TRIM24: variants seen among roughly 807,000 people sequenced by gnomAD.
The protein encoded by TRIM24 is transcription intermediary factor 1-alpha.
TRIM24 carries 29 observed loss-of-function variants against 123.9 expected under a neutral mutation model. That is an observed-to-expected ratio of 0.23 (90% CI 0.17 to 0.32). The LOEUF (loss-of-function observed/expected upper bound fraction) is 0.32, where lower values mean the gene tolerates loss of function less well. TRIM24 is among the 10% of genes least tolerant of loss of function. The pLI is 1.00. For synonymous variants in TRIM24, 456 were observed against 461.1 expected (o/e 0.99, Z 0.14); for missense variants, 932 against 1,295.3 (o/e 0.72, Z 4.31).
intron 1 of TRIM24, among the ~76,000 whole-genome samples, chr7:138,472,337 A>T (rs980214445): frequency 6.6e-6 from 1 of 152,116 alleles, no homozygotes. Flanking sequence ...GCAGAAAGGC[A>T]TTGATCTGAG....
rs184378940 is a variant in TRIM24, at chr7:138,463,100, G to T, written c.364+2188G>T. Among the ~76,000 whole-genome samples the T allele has an allele frequency of 4.4e-3, 607 of 137,266 alleles. 6 individuals carry two copies. Among genetic ancestry groups the T allele is most frequent in the African/African-American group, 0.016 (593 of 36,630 alleles). The allele number at this position is 137,266 out of a possible 152,430, so 90.1% of individuals were successfully genotyped here. ...AGGCGGGGTTACTCCATGTTGGTCA[G>T]GCTGGTCTTGAACTCCCGACCTCAG... On this transcript the variant is annotated intron_variant, in intron 1 of 18. Transcript: ENST00000343526.
intron 6 of TRIM24, among the ~76,000 whole-genome samples, chr7:138,532,364 C>A (rs1280106949): frequency 6.6e-6 from 1 of 152,094 alleles, no homozygotes; most frequent in Non-Finnish European, 1.5e-5. Context: ...ACATTTAAGT[C>A]TTTAATCCAT....
intron 4 of TRIM24, among the ~76,000 whole-genome samples, chr7:138,521,694 T>C (rs1031306047): frequency 6.6e-5 from 10 of 152,214 alleles, no homozygotes; most frequent in Non-Finnish European, 1.3e-4. Context: ...AAAAATGTGC[T>C]ATTTTCTTTT....
chr7:138,575,038 A>T (rs1797727443), intron 12 of TRIM24, among the ~76,000 whole-genome samples: 1 of 152,158 alleles, frequency 6.6e-6, no homozygotes, highest in African/African-American at 2.4e-5. Context: ...TTGTAAACAG[A>T]TTATTTACCT....
intron 1 of TRIM24, among the ~76,000 whole-genome samples, chr7:138,482,758 G>T (rs551879337): frequency 2.4e-4 from 37 of 151,738 alleles, no homozygotes; most frequent in South Asian, 8.4e-4. Context: ...AATGTGTGGG[G>T]TTTTTTTTCC....
intron 2 of TRIM24, among the ~76,000 whole-genome samples, chr7:138,513,970 CAGA>C (rs1796341753): frequency 6.6e-6 from 1 of 152,072 alleles, no homozygotes; most frequent in African/African-American, 2.4e-5. Context: ...ACTACAGAAT[CAGA>C]GGAGGAAGGG....
chr7:138,507,964 A>G (rs1796186876), intron 2 of TRIM24, among the ~76,000 whole-genome samples: 2 of 152,110 alleles, frequency 1.3e-5, no homozygotes, highest in African/African-American at 4.8e-5. Flanking sequence ...TTAAATGCTT[A>G]ATGATCTCAT....
chr7:138,585,828 A>G lies in TRIM24; in HGVS notation c.*877A>G. ...GTGGAACTACCCAAAATATAAATACAGCAGCGTGCACTGTATTTGATGTGA... is the reference window on the plus strand; with the variant it reads ...GTGGAACTACCCAAAATATAAATACGGCAGCGTGCACTGTATTTGATGTGA... On this transcript the variant is annotated 3_prime_UTR_variant, in exon 19 of 19. Coordinates refer to ENST00000343526, the MANE Select transcript of TRIM24 (RefSeq NM_015905.3). 1.9e-6 allele frequency: 1 copy of G among 519,658 alleles called. No homozygotes were observed. Among genetic ancestry groups the G allele is most frequent in the Non-Finnish European group, 3.8e-6 (1 of 260,292 alleles). The allele number at this position is 519,658 out of a possible 1,614,324, so 32.2% of individuals were successfully genotyped here. A position where few individuals can be genotyped will look rare whatever the true frequency, so the allele number is the denominator to read the frequency against.
At chr7:138,471,998 T>A (rs1193055418) in intron 1 of TRIM24, among the ~76,000 whole-genome samples, 6 of 151,810 alleles carry the variant, frequency 4.0e-5, no homozygotes, top group African/African-American at 1.4e-4. Context: ...TCCTGCAAGG[T>A]CAAGTAAGAG....
chr7:138,506,029 A>G (rs536576985), intron 2 of TRIM24, among the ~76,000 whole-genome samples: 1 of 152,306 alleles, frequency 6.6e-6, no homozygotes, highest in East Asian at 1.9e-4. Context: ...GTTGTTAGCT[A>G]TGTTTTTCAG....
intron 2 of TRIM24, among the ~76,000 whole-genome samples, chr7:138,508,696 CGCGCGT>C: frequency 3.0e-5 from 1 of 33,434 alleles, no homozygotes. Context: ...TGTGTGTGCG[CGCGCGT>C]GTGTGCGTGT....
intron 10 of TRIM24, among the ~76,000 whole-genome samples, chr7:138,568,935 AT>A (rs1797595599): frequency 6.6e-6 from 1 of 152,204 alleles, no homozygotes; most frequent in Non-Finnish European, 1.5e-5. Flanking sequence ...GTGTCTATAC[AT>A]ATCTTCGTAT....
intron 2 of TRIM24, among the ~76,000 whole-genome samples, chr7:138,511,582 G>C (rs573269352): frequency 1.3e-5 from 2 of 152,030 alleles, no homozygotes; most frequent in African/African-American, 4.8e-5. Context: ...GAGCCACTGC[G>C]CCTGGCCATG....
intron 9 of TRIM24, among the ~76,000 whole-genome samples, chr7:138,555,318 G>C (rs1797293351): frequency 6.6e-6 from 1 of 152,084 alleles, no homozygotes; most frequent in Non-Finnish European, 1.5e-5. Flanking sequence ...TTAAGAATCT[G>C]CCCTCTTTGA....
intron 12 of TRIM24, among the ~76,000 whole-genome samples, chr7:138,574,042 G>A (rs903999675): frequency 6.6e-6 from 1 of 152,094 alleles, no homozygotes; most frequent in African/African-American, 2.4e-5. Flanking sequence ...CAAAGCTTTG[G>A]GATTACAGGC....
chr7:138,498,818 G>C (rs1180859718), intron 1 of TRIM24, among the ~76,000 whole-genome samples: 1 of 151,784 alleles, frequency 6.6e-6, no homozygotes, highest in African/African-American at 2.4e-5. Context: ...ACCTTTAGTA[G>C]AGACAGGGTT....
chr7:138,494,449 G>A (rs1029618610), intron 1 of TRIM24, among the ~76,000 whole-genome samples: 3 of 151,904 alleles, frequency 2.0e-5, no homozygotes, highest in African/African-American at 7.2e-5. Context: ...TTACTTCTGT[G>A]ATTAACATGA....
Position 138,554,975 on chromosome 7 carries a change from G to GGAAGCAGGCCTGTCCTCACTTA in TRIM24, c.1530+12_1530+33dup. 6.2e-7 allele frequency: 1 copy of GGAAGCAGGCCTGTCCTCACTTA among 1,612,972 alleles called. No individual in the cohort carries two copies. Among genetic ancestry groups the GGAAGCAGGCCTGTCCTCACTTA allele is most frequent in the Non-Finnish European group, 8.5e-7 (1 of 1,179,206 alleles). On this transcript the variant is annotated intron_variant, in intron 9 of 18. Transcript: ENST00000343526. This position sits in a 1 kb window ranked among gnomAD's most constrained non-coding sequence, Gnocchi z 4.5. ...CTTCCATCTCTCATCAGGTAAATTT[G>GGAAGCAGGCCTGTCCTCACTTA]GAAGCAGGCCTGTCCTCACTTAGAT...
intron 3 of TRIM24, among the ~76,000 whole-genome samples, chr7:138,516,475 C>T (rs891914125): frequency 2.6e-5 from 4 of 152,162 alleles, no homozygotes; most frequent in Non-Finnish European, 2.9e-5. Context: ...ATGCTATTCT[C>T]CTGCCTGTAA....
Sources: allele counts gnomAD v4.1 joint callset (sites outside exome capture counted in the v4.1 genomes callset), GRCh38; gene constraint gnomAD v4.1.1; non-coding constraint Gnocchi (gnomAD v3.1); transcripts MANE v1.5; gene names NCBI Gene and HGNC (gene_info 2026-07-23, HGNC 2026-07-21).